Variants in PCDHGA9 observed in about 807,000 individuals in gnomAD.
PCDHGA9 encodes the protein protocadherin gamma subfamily A, 9, also known as protocadherin gamma-A9.
A neutral mutation model predicts 62.5 loss-of-function variants in PCDHGA9; 37 were observed. The ratio of observed to expected loss-of-function variants is 0.59; its 90% CI spans 0.46 to 0.78. The LOEUF is 0.78. Ranked by LOEUF, PCDHGA9 falls within the 30% of genes least tolerant of loss-of-function variation. PCDHGA9 has a pLI of 0.00. For missense variants in PCDHGA9, 1,138 were observed against 1,166.2 expected (o/e 0.98, Z 0.35); for synonymous variants, 459 against 484.6 (o/e 0.95, Z 0.69).
intron 1 of PCDHGA9, among the ~76,000 whole-genome samples, chr5:141,469,852 C>T (rs529924249): frequency 1.3e-4 from 20 of 152,054 alleles, no homozygotes; most frequent in African/African-American, 4.8e-4. Flanking sequence ...AGATTCAGAC[C>T]GGGTGCAATG....
At chr5:141,428,188 G>T in intron 1 of PCDHGA9, 1 of 1,433,356 alleles carries the variant, frequency 7.0e-7, no homozygotes. Flanking sequence ...GACAGCCGCC[G>T]CTCTCTGCGC....
chr5:141,509,843 C>T (rs1596253565), intron 3 of PCDHGA9, among the ~76,000 whole-genome samples: 1 of 152,178 alleles, frequency 6.6e-6, no homozygotes, highest in African/African-American at 2.4e-5. Context: ...CTCCCATTCA[C>T]TCAGAACAGG....
chr5:141,477,475 C>A lies in PCDHGA9; in HGVS notation c.2425-17332C>A. ...TTCAAGTGTCCGACATCAATGACAA[C>A]CCTCCACAATCTTCTCAATCTTCCT... On this transcript the variant is annotated intron_variant, in intron 1 of 3. Coordinates refer to ENST00000573521, the MANE Select transcript of PCDHGA9 (RefSeq NM_018921.3). The surrounding 1 kb of genome is among the most constrained non-coding windows in gnomAD (Gnocchi z 4.9). The A allele has an allele frequency of 3.1e-6, 5 of 1,614,124 alleles. No homozygotes were observed. The highest frequency in any genetic ancestry group is 4.2e-6 in the Non-Finnish European group (5 of 1,180,030).
intron 1 of PCDHGA9, chr5:141,423,928 G>C: frequency 8.1e-7 from 1 of 1,236,850 alleles, no homozygotes; most frequent in Non-Finnish European, 1.0e-6. Flanking sequence ...ATGCTGGTTT[G>C]GTTTGAAGTA....
chr5:141,460,416 A>C (rs966481039), intron 1 of PCDHGA9, among the ~76,000 whole-genome samples: 1 of 152,138 alleles, frequency 6.6e-6, no homozygotes, highest in African/African-American at 2.4e-5. Flanking sequence ...GTTGATGTTT[A>C]TGTATGGTGT....
At chr5:141,410,995 T>A in intron 1 of PCDHGA9, 1 of 174,388 alleles carries the variant, frequency 5.7e-6, no homozygotes, top group South Asian at 1.4e-4. Flanking sequence ...CTGGGATTAC[T>A]GGTGCCCCTC....
intron 1 of PCDHGA9, chr5:141,423,648 G>A (rs1291261924): frequency 2.5e-6 from 4 of 1,590,008 alleles, no homozygotes; most frequent in Middle Eastern, 1.7e-4. Flanking sequence ...AATGTGACCC[G>A]ACAAGTAATC....
At position 141,489,302 on chromosome 5, in the gene PCDHGA9, T is replaced by C. The variant is rs1258736404; in HGVS notation, c.2425-5505T>C. 2 of 1,586,886 alleles carry C rather than the reference T, an allele frequency of 1.3e-6. No homozygotes were observed. The highest frequency in any genetic ancestry group is 2.3e-5 in the South Asian group (2 of 85,378). ...TGGCAAGTGCTGTGCATGTTGTCCT[T>C]GTGCTGCTGGGGCTGGGTGTCTGGG... On this transcript the variant is annotated intron_variant, in intron 1 of 3. Transcript: ENST00000573521. The surrounding 1 kb of genome is among the most constrained non-coding windows in gnomAD (Gnocchi z 4.5).
chr5:141,410,809 G>C, intron 1 of PCDHGA9: 1 of 292,002 alleles, frequency 3.4e-6, no homozygotes, highest in Admixed American at 5.8e-5. Flanking sequence ...CTATCTTTTT[G>C]TAAAATAATG....
chr5:141,421,665 C>T, intron 1 of PCDHGA9: 1 of 1,613,854 alleles, frequency 6.2e-7, no homozygotes, highest in African/African-American at 1.3e-5. Context: ...TCAGTGAGCA[C>T]GCAATTCCTG....
rs1011731430 is a variant in PCDHGA9, at chr5:141,489,676, G to A, written c.2425-5131G>A. 6.2e-7 allele frequency: 1 copy of A among 1,614,158 alleles called. No individual in the cohort carries two copies. The highest frequency in any genetic ancestry group is 8.5e-7 in the Non-Finnish European group (1 of 1,180,008). On this transcript the variant is annotated intron_variant, in intron 1 of 3. Coordinates refer to ENST00000573521, the MANE Select transcript of PCDHGA9 (RefSeq NM_018921.3). This position sits in a 1 kb window ranked among gnomAD's most constrained non-coding sequence, Gnocchi z 4.5. ...GCGAGAGATGCGCATCTCAGAATCAGCAGCATCTGGGGCACGATTCCCACT... is the reference window on the plus strand; with the variant it reads ...GCGAGAGATGCGCATCTCAGAATCAACAGCATCTGGGGCACGATTCCCACT...
chr5:141,491,493 G>A lies in PCDHGA9; in HGVS notation c.2425-3314G>A, dbSNP rs1008591563. On this transcript the variant is annotated intron_variant, in intron 1 of 3. Transcript: ENST00000573521. This position sits in a 1 kb window ranked among gnomAD's most constrained non-coding sequence, Gnocchi z 6.9. ...AGCAGTCCAGCCCCAACCTGCAGGT[G>A]AGCTCGGACGGCACGCTCAAGTACA... 6.2e-7 allele frequency: 1 copy of A among 1,614,000 alleles called. No homozygotes were observed. Among genetic ancestry groups the A allele is most frequent in the African/African-American group, 1.3e-5 (1 of 74,928 alleles).
chr5:141,490,726 AATCAGG>A lies in PCDHGA9; in HGVS notation c.2425-4080_2425-4075del. The A allele has an allele frequency of 6.2e-7, 1 of 1,614,202 alleles. No homozygotes were observed. The highest frequency in any genetic ancestry group is 8.5e-7 in the Non-Finnish European group (1 of 1,180,032). On this transcript the variant is annotated intron_variant, in intron 1 of 3. Transcript: ENST00000573521. This position sits in a 1 kb window ranked among gnomAD's most constrained non-coding sequence, Gnocchi z 5.4. Reference sequence around the variant, plus strand: ...CCGCCTCACCTACTCCATTGTAGGAAATCAGGTTCAGGGAGCCCCAGCCTCCTCCTT... The same window carrying A: ...CCGCCTCACCTACTCCATTGTAGGAATTCAGGGAGCCCCAGCCTCCTCCTT...
intron 1 of PCDHGA9, chr5:141,415,740 G>GTTTTTTTTTTTTTGTTT (rs2095912299): frequency 1.9e-6 from 1 of 515,998 alleles, no homozygotes; most frequent in Non-Finnish European, 2.6e-6. Context: ...GTTTATTAAG[G>GTTTTTTTTTTTTTGTTT]TTTTTTTTTT....
chr5:141,487,356 C>T lies in PCDHGA9; in HGVS notation c.2425-7451C>T. 6.2e-7 allele frequency: 1 copy of T among 1,614,220 alleles called. No individual in the cohort carries two copies. The highest frequency in any genetic ancestry group is 8.5e-7 in the Non-Finnish European group (1 of 1,180,042). ...GCCTGTGGAGTCACATGCTTTCCTG[C>T]TGGCACCTGTGCCTGTCTCACCAGA... On this transcript the variant is annotated intron_variant, in intron 1 of 3. Transcript: ENST00000573521. This position sits in a 1 kb window ranked among gnomAD's most constrained non-coding sequence, Gnocchi z 5.0.
chr5:141,415,484 G>C (rs369349538), intron 1 of PCDHGA9: 18 of 1,614,102 alleles, frequency 1.1e-5, no homozygotes, highest in Non-Finnish European at 1.5e-5. Flanking sequence ...TCGCGAAAGA[G>C]TCACCTGATC....
chr5:141,468,049 G>C (rs2099156671), intron 1 of PCDHGA9, among the ~76,000 whole-genome samples: 1 of 152,068 alleles, frequency 6.6e-6, no homozygotes, highest in African/African-American at 2.4e-5. Context: ...ACTAAGCCGG[G>C]CACAGTGGCT....
rs748605515 is a variant in PCDHGA9 at position 141,486,688 on chromosome 5, C to T, written c.2425-8119C>T. ...CCAGGAATCGAGATGTATCAGCTTC[C>T]TCTTTCATCTCTCTGAACCCCCAGA... On this transcript the variant is annotated intron_variant, in intron 1 of 3. Transcript: ENST00000573521. The surrounding 1 kb of genome is among the most constrained non-coding windows in gnomAD (Gnocchi z 5.0). 2 of 1,614,170 alleles carry T rather than the reference C, an allele frequency of 1.2e-6. No individual in the cohort carries two copies. The highest frequency in any genetic ancestry group is 1.1e-5 in the South Asian group (1 of 91,086).
At chr5:141,413,570 A>C in intron 1 of PCDHGA9, 1 of 1,613,930 alleles carries the variant, frequency 6.2e-7, no homozygotes. Context: ...GATATCAATG[A>C]CAATGCTCCA....
Sources: allele counts gnomAD v4.1 joint callset (sites outside exome capture counted in the v4.1 genomes callset), GRCh38; gene constraint gnomAD v4.1.1; non-coding constraint Gnocchi (gnomAD v3.1); transcripts MANE v1.5; gene names NCBI Gene and HGNC (gene_info 2026-07-23, HGNC 2026-07-21).